CELSR1: variants seen among roughly 807,000 people sequenced by gnomAD.
CELSR1 encodes the protein cadherin EGF LAG seven-pass G-type receptor 1, also known as adhesion G protein-coupled receptor C1.
Under a neutral mutation model 249.1 loss-of-function variants are expected in CELSR1, and 110 were observed. That is an observed-to-expected ratio of 0.44 (90% CI 0.38 to 0.52). The LOEUF is 0.52. CELSR1 is among the 20% of genes least tolerant of loss of function. The pLI is 0.00. For missense variants in CELSR1, 4,109 were observed against 4,296.4 expected (o/e 0.96, Z 1.22); for synonymous variants, 2,113 against 1,900.0 (o/e 1.11, Z -2.92).
chr22:46,491,798 G>A (rs1384577782), intron 1 of CELSR1, among the ~76,000 whole-genome samples: 4 of 151,504 alleles, frequency 2.6e-5, no homozygotes, highest in Non-Finnish European at 4.4e-5. Context: ...CACCACGCCC[G>A]GCTAATGTTT....
Position 46,524,696 on chromosome 22 carries a change from G to C in CELSR1, c.3544+8931C>G, listed in dbSNP as rs575112768. Among the ~76,000 whole-genome samples, 4 of 152,218 alleles carry C rather than the reference G, an allele frequency of 2.6e-5. No homozygotes were observed. The South Asian group carries it at 8.3e-4, about 32-fold the overall frequency. On this transcript the variant is annotated intron_variant, in intron 1 of 34. Transcript: ENST00000674500. ...GTGGGGCTTTTCCCAGCTATGGAAT[G>C]TTCACGCCCAAAAGGGGGACCTGAT...
At position 46,484,156 on chromosome 22, in the gene CELSR1, A is replaced by G. The variant is rs1430216292; in HGVS notation, c.3545-19811T>C. Among the ~76,000 whole-genome samples the G allele has an allele frequency of 6.6e-6, 1 of 152,196 alleles. No homozygotes were observed. Among genetic ancestry groups the G allele is most frequent in the East Asian group, 1.9e-4 (1 of 5,184 alleles). On this transcript the variant is annotated intron_variant, in intron 1 of 34. Coordinates refer to ENST00000674500, the MANE Select transcript of CELSR1 (RefSeq NM_001378328.1). This position sits in a 1 kb window ranked among gnomAD's most constrained non-coding sequence, Gnocchi z 4.5. ...GAAATCCAAGGGTACAGGGCAAGAG[A>G]AGGGGAGCTGCTGGGGAGAGCCGTT...
chr22:46,432,332 T>C (rs2147427491), intron 5 of CELSR1, among the ~76,000 whole-genome samples: 1 of 152,256 alleles, frequency 6.6e-6, no homozygotes, highest in South Asian at 2.1e-4. Flanking sequence ...GCACAGTGGC[T>C]GTGAAAGAAG....
chr22:46,461,991 C>A (rs1011035303), intron 2 of CELSR1, among the ~76,000 whole-genome samples: 1 of 152,198 alleles, frequency 6.6e-6, no homozygotes, highest in Non-Finnish European at 1.5e-5. Flanking sequence ...GAACAGGAAT[C>A]CACTGAAAGA....
chr22:46,433,347 C>G lies in CELSR1; in HGVS notation c.4611+46G>C. 2 of 1,516,528 alleles carry G rather than the reference C, an allele frequency of 1.3e-6. No individual in the cohort carries two copies. The highest frequency in any genetic ancestry group is 2.3e-5 in the South Asian group (2 of 87,324). The allele number at this position is 1,516,528 out of a possible 1,614,324, so 93.9% of individuals were successfully genotyped here. ...ACTGCGCCTCGCCCCAGGGCACCTT[C>G]TCGAGCCGCCCTGGGGCCAGGGGGA... On this transcript the variant is annotated intron_variant, in intron 5 of 34. Transcript: ENST00000674500. This position sits in a 1 kb window ranked among gnomAD's most constrained non-coding sequence, Gnocchi z 5.7.
chr22:46,512,601 T>C lies in CELSR1; in HGVS notation c.3544+21026A>G, dbSNP rs1258842925. ...ACAACAAAAAATCAAGGCCCAATAC[T>C]ATGCATTGCCTTGACATCTGCTGAA... On this transcript the variant is annotated intron_variant, in intron 1 of 34. Transcript: ENST00000674500. The surrounding 1 kb of genome is among the most constrained non-coding windows in gnomAD (Gnocchi z 5.2). Among the ~76,000 whole-genome samples the C allele has an allele frequency of 3.9e-5, 6 of 152,072 alleles. No homozygotes were observed. Among genetic ancestry groups the C allele is most frequent in the East Asian group, 1.9e-4 (1 of 5,182 alleles).
intron 27 of CELSR1, 100 bp downstream of exon 27, chr22:46,369,079 G>A (rs2078820520): frequency 2.8e-6 from 3 of 1,083,774 alleles, no homozygotes; most frequent in South Asian, 1.3e-5. Context: ...TCCTCCATGA[G>A]GCCTACACGC....
intron 1 of CELSR1, among the ~76,000 whole-genome samples, chr22:46,532,324 A>G (rs1183358115): frequency 6.6e-6 from 1 of 152,262 alleles, no homozygotes; most frequent in Non-Finnish European, 1.5e-5. Flanking sequence ...GGCCTATTCC[A>G]TATTCTCTAC....
At chr22:46,485,863 C>G (rs1036945745) in intron 1 of CELSR1, among the ~76,000 whole-genome samples, 3 of 150,640 alleles carry the variant, frequency 2.0e-5, no homozygotes, top group Non-Finnish European at 2.9e-5. Flanking sequence ...TGTCGTTTGT[C>G]TATGACAGTG....
At chr22:46,457,606 G>A (rs538022282) in intron 2 of CELSR1, among the ~76,000 whole-genome samples, 72 of 152,198 alleles carry the variant, frequency 4.7e-4, no homozygotes, top group Admixed American at 1.1e-3. Context: ...AGACGAAGAC[G>A]CTACCGTGAT....
At position 46,381,783 on chromosome 22, in the gene CELSR1, C is replaced by G; in HGVS notation, c.7088+63G>C. 1 of 1,420,844 alleles carries G rather than the reference C, an allele frequency of 7.0e-7. No homozygotes were observed. The highest frequency in any genetic ancestry group is 1.2e-5 in the South Asian group (1 of 80,272). The allele number at this position is 1,420,844 out of a possible 1,614,324, so 88.0% of individuals were successfully genotyped here. A position where few individuals can be genotyped will look rare whatever the true frequency, so the allele number is the denominator to read the frequency against. On this transcript the variant is annotated intron_variant, in intron 21 of 34. Transcript: ENST00000674500. This position sits in a 1 kb window ranked among gnomAD's most constrained non-coding sequence, Gnocchi z 6.0. ...GCTTGATCAGGATCAGGATTTTGAC[C>G]TGTGGAAGCCTCAGGAGCCTCCAGA...
chr22:46,440,331 C>T lies in CELSR1; in HGVS notation c.4184-920G>A, dbSNP rs892766030. 1.9e-4 allele frequency among the ~76,000 whole-genome samples: 29 copies of T among 152,266 alleles called. No homozygotes were observed. Among genetic ancestry groups the T allele is most frequent in the African/African-American group, 7.0e-4 (29 of 41,552 alleles). ...GCCGCAATCTGCACAGCCCATGCTG[C>T]CTCCCCTGCCTCCACCACATGGGGA... On this transcript the variant is annotated intron_variant, in intron 2 of 34. Transcript: ENST00000674500. The surrounding 1 kb of genome is among the most constrained non-coding windows in gnomAD (Gnocchi z 4.7).
intron 2 of CELSR1, among the ~76,000 whole-genome samples, chr22:46,449,645 T>A (rs2079859965): frequency 6.6e-6 from 1 of 152,182 alleles, no homozygotes; most frequent in Non-Finnish European, 1.5e-5. Flanking sequence ...TCATGGAGTT[T>A]CCATCTAGGT....
At chr22:46,521,212 T>C (rs1341454047) in intron 1 of CELSR1, among the ~76,000 whole-genome samples, 1 of 152,114 alleles carries the variant, frequency 6.6e-6, no homozygotes, top group Non-Finnish European at 1.5e-5. Context: ...TCTTTAAAGA[T>C]CTTGTTTTCA....
At position 46,423,691 on chromosome 22, in the gene CELSR1, G is replaced by A. The variant is rs2079505428; in HGVS notation, c.4611+9702C>T. ...CCGATGAGCACTATTAACAAGTATGGGCCGGGTGCGGTGGCTCACGCCTAT... is the reference window on the plus strand; with the variant it reads ...CCGATGAGCACTATTAACAAGTATGAGCCGGGTGCGGTGGCTCACGCCTAT... On this transcript the variant is annotated intron_variant, in intron 5 of 34. Transcript: ENST00000674500. The surrounding 1 kb of genome is among the most constrained non-coding windows in gnomAD (Gnocchi z 5.6). 6.6e-6 allele frequency among the ~76,000 whole-genome samples: 1 copy of A among 152,038 alleles called. No homozygotes were observed. Among genetic ancestry groups the A allele is most frequent in the Non-Finnish European group, 1.5e-5 (1 of 68,014 alleles).
rs139332584 is a variant in CELSR1 at position 46,428,349 on chromosome 22, C to G, written c.4611+5044G>C. Among the ~76,000 whole-genome samples the G allele has an allele frequency of 6.6e-6, 1 of 152,216 alleles. No individual in the cohort carries two copies. The highest frequency in any genetic ancestry group is 1.5e-5 in the Non-Finnish European group (1 of 68,044). ...AGCCACCCGTGGCCAGCATGGCGAT[C>G]GCGACCAGCACAGCATCGTCCCCGG... On this transcript the variant is annotated intron_variant, in intron 5 of 34. Coordinates refer to ENST00000674500, the MANE Select transcript of CELSR1 (RefSeq NM_001378328.1). This position sits in a 1 kb window ranked among gnomAD's most constrained non-coding sequence, Gnocchi z 5.7.
Position 46,488,382 on chromosome 22 carries a change from T to C in CELSR1, c.3545-24037A>G, listed in dbSNP as rs2080335965. On this transcript the variant is annotated intron_variant, in intron 1 of 34. Coordinates refer to ENST00000674500, the MANE Select transcript of CELSR1 (RefSeq NM_001378328.1). This position sits in a 1 kb window ranked among gnomAD's most constrained non-coding sequence, Gnocchi z 4.7. Reference sequence around the variant, plus strand: ...CCTTCCTGCTCCTAAGCCCGCAGCTTCCCTGCTCGCCTACAGCCGGCGAGT... The same window carrying C: ...CCTTCCTGCTCCTAAGCCCGCAGCTCCCCTGCTCGCCTACAGCCGGCGAGT... Among the ~76,000 whole-genome samples, 1 of 152,080 alleles carries C rather than the reference T, an allele frequency of 6.6e-6. No homozygotes were observed. The highest frequency in any genetic ancestry group is 1.5e-5 in the Non-Finnish European group (1 of 67,996).
Position 46,410,707 on chromosome 22 carries a change from AG to A in CELSR1, c.4770-147del. ...ACAGGCGGGGAGAGGCCAAAGTCAG[AG>A]GGGGCTCCTGTGTCTGGTGCCGCCA... On this transcript the variant is annotated intron_variant, in intron 6 of 34. Coordinates refer to ENST00000674500, the MANE Select transcript of CELSR1 (RefSeq NM_001378328.1). This position sits in a 1 kb window ranked among gnomAD's most constrained non-coding sequence, Gnocchi z 6.8. 1 of 749,328 alleles carries A rather than the reference AG, an allele frequency of 1.3e-6. No homozygotes were observed. The highest frequency in any genetic ancestry group is 2.1e-6 in the Non-Finnish European group (1 of 467,328). The allele number at this position is 749,328 out of a possible 1,614,324, so 46.4% of individuals were successfully genotyped here. A position where few individuals can be genotyped will look rare whatever the true frequency, so the allele number is the denominator to read the frequency against.
At chr22:46,504,701 A>G (rs2080498312) in intron 1 of CELSR1, among the ~76,000 whole-genome samples, 1 of 152,212 alleles carries the variant, frequency 6.6e-6, no homozygotes, top group South Asian at 2.1e-4. Context: ...GGCTGGCTCT[A>G]GTATTAATTA....
Sources: gnomAD v4.1 joint callset for allele counts (sites outside exome capture counted in the v4.1 genomes callset) on GRCh38, gnomAD v4.1.1 for gene constraint, Gnocchi (gnomAD v3.1) non-coding constraint, MANE v1.5 for transcripts, NCBI Gene and HGNC (gene_info 2026-07-23, HGNC 2026-07-21) for gene names.